Variants in AUTS2 observed in about 807,000 individuals in gnomAD.
AUTS2 encodes autism susceptibility gene 2 protein.
AUTS2 carries 17 observed loss-of-function variants against 112.4 expected under a neutral mutation model. That is an observed-to-expected ratio of 0.15 (90% CI 0.10 to 0.23). The LOEUF is 0.23. AUTS2 is among the 10% of genes least tolerant of loss of function. The pLI is 1.00. For missense variants in AUTS2, 1,510 were observed against 1,701.6 expected, an observed-to-expected ratio of 0.89 and a Z score of 1.98; for synonymous variants, 751 against 702.7, an observed-to-expected ratio of 1.07 and a Z score of -1.09.
chr7:70,351,635 A>G (rs191795709), intron 4 of AUTS2, among the ~76,000 whole-genome samples: 1 of 152,302 alleles, frequency 6.6e-6, no homozygotes, highest in East Asian at 1.9e-4. Flanking sequence ...CATTCCTCCT[A>G]ACAGTATACA....
intron 2 of AUTS2, among the ~76,000 whole-genome samples, chr7:69,966,313 C>T (rs929357469): frequency 6.6e-6 from 1 of 152,156 alleles, no homozygotes; most frequent in African/African-American, 2.4e-5. Context: ...GGGACTTGAG[C>T]CCCCACATAC....
chr7:69,784,392 G>T (rs1449015664), intron 1 of AUTS2, among the ~76,000 whole-genome samples: 1 of 152,164 alleles, frequency 6.6e-6, no homozygotes, highest in Non-Finnish European at 1.5e-5. Flanking sequence ...AAGGGGGTTT[G>T]GATGGAGTCC....
chr7:70,302,763 T>C (rs1262741632), intron 4 of AUTS2, among the ~76,000 whole-genome samples: 1 of 152,142 alleles, frequency 6.6e-6, no homozygotes, highest in African/African-American at 2.4e-5. Context: ...GCAGGCTGTC[T>C]GGCTCATCTC....
At chr7:69,955,060 C>T (rs948295840) in intron 2 of AUTS2, among the ~76,000 whole-genome samples, 3 of 152,166 alleles carry the variant, frequency 2.0e-5, no homozygotes, top group Non-Finnish European at 4.4e-5. Flanking sequence ...ATATTGCTTA[C>T]AAATTGCTTA....
At chr7:70,218,803 A>G (rs992108085) in intron 4 of AUTS2, among the ~76,000 whole-genome samples, 5 of 152,176 alleles carry the variant, frequency 3.3e-5, no homozygotes, top group African/African-American at 9.6e-5. Flanking sequence ...TCTGATAGCC[A>G]CCTGACCATC....
Position 70,147,435 on chromosome 7 carries a change from T to G in AUTS2, c.660+12864T>G, listed in dbSNP as rs1174304922. 3.3e-5 allele frequency among the ~76,000 whole-genome samples: 5 copies of G among 152,072 alleles called. No homozygotes were observed. The East Asian group carries it at 9.6e-4, about 29-fold the overall frequency. ...AAGTCAGCTGAGTCTCTACCTCACA[T>G]GACAGAGTTTACATGATGTTAGAGA... On this transcript the variant is annotated intron_variant, in intron 4 of 18. Coordinates refer to ENST00000342771, the MANE Select transcript of AUTS2 (RefSeq NM_015570.4).
At chr7:70,735,015 A>AT (rs544537461) in intron 6 of AUTS2, among the ~76,000 whole-genome samples, 107 of 152,302 alleles carry the variant, frequency 7.0e-4, no homozygotes, top group African/African-American at 2.1e-3. Flanking sequence ...GGAAAAAAAA[A>AT]AAAGAAGTCT....
chr7:70,383,371 T>C (rs1793459013), intron 4 of AUTS2, among the ~76,000 whole-genome samples: 5 of 152,186 alleles, frequency 3.3e-5, no homozygotes, highest in Admixed American at 3.3e-4. Flanking sequence ...AGGATTGACC[T>C]AAAGTCCCAT....
intron 5 of AUTS2, among the ~76,000 whole-genome samples, chr7:70,594,844 G>A (rs1803116859): frequency 6.6e-6 from 1 of 152,202 alleles, no homozygotes; most frequent in Non-Finnish European, 1.5e-5. Flanking sequence ...GCTCACACCT[G>A]TAATCCCAGC....
intron 5 of AUTS2, among the ~76,000 whole-genome samples, chr7:70,686,161 ATTT>A (rs1808466487): frequency 6.6e-6 from 1 of 152,184 alleles, no homozygotes; most frequent in African/African-American, 2.4e-5. Flanking sequence ...GACAACCTTC[ATTT>A]ATAAAACTAA....
chr7:70,340,193 C>T (rs73440725), intron 4 of AUTS2, among the ~76,000 whole-genome samples: 2,058 of 151,908 alleles, frequency 0.014, 62 homozygotes, highest in African/African-American at 0.047. Context: ...CACACACACA[C>T]ACCCCGTAAT....
intron 1 of AUTS2, among the ~76,000 whole-genome samples, chr7:69,856,927 T>G (rs1407802580): frequency 6.6e-6 from 1 of 152,188 alleles, no homozygotes; most frequent in Non-Finnish European, 1.5e-5. Context: ...GCACTTGAAA[T>G]GGCAACATTT....
intron 5 of AUTS2, among the ~76,000 whole-genome samples, chr7:70,681,837 T>C (rs1250817523): frequency 6.6e-6 from 1 of 152,184 alleles, no homozygotes; most frequent in Admixed American, 6.5e-5. Context: ...AACCCTATGT[T>C]CCAACTTAGT....
At chr7:69,949,384 A>C (rs983870180) in intron 2 of AUTS2, among the ~76,000 whole-genome samples, 1 of 152,206 alleles carries the variant, frequency 6.6e-6, no homozygotes, top group Non-Finnish European at 1.5e-5. Context: ...AGTTCTCACA[A>C]TCAACCTGTC....
At chr7:70,625,194 C>T (rs188580673) in intron 5 of AUTS2, among the ~76,000 whole-genome samples, 1 of 152,242 alleles carries the variant, frequency 6.6e-6, no homozygotes, top group Admixed American at 6.5e-5. Flanking sequence ...TACATTTTAT[C>T]CAACTAGGGG....
chr7:69,758,490 C>T (rs999806629), intron 1 of AUTS2, among the ~76,000 whole-genome samples: 8 of 152,190 alleles, frequency 5.3e-5, no homozygotes, highest in African/African-American at 1.9e-4. Context: ...AAAACAACTA[C>T]ATCTCTTTCG....
chr7:70,288,738 T>A (rs1788578015), intron 4 of AUTS2, among the ~76,000 whole-genome samples: 1 of 151,868 alleles, frequency 6.6e-6, no homozygotes, highest in African/African-American at 2.4e-5. Context: ...GGAAGAACAA[T>A]GAGATAGAGA....
chr7:69,826,109 G>A (rs986298845), intron 1 of AUTS2, among the ~76,000 whole-genome samples: 4 of 152,180 alleles, frequency 2.6e-5, no homozygotes, highest in Non-Finnish European at 5.9e-5. Context: ...AGTTATTCAT[G>A]CAGGGAGAAT....
At chr7:70,230,444 A>G (rs1811987647) in intron 4 of AUTS2, among the ~76,000 whole-genome samples, 1 of 152,214 alleles carries the variant, frequency 6.6e-6, no homozygotes, top group Admixed American at 6.5e-5. Context: ...TGCTCAGTTA[A>G]AGATTGGCTA....
Sources: gnomAD v4.1 joint callset for allele counts (sites outside exome capture counted in the v4.1 genomes callset) on GRCh38, gnomAD v4.1.1 for gene constraint, MANE v1.5 for transcripts, NCBI Gene and HGNC (gene_info 2026-07-23, HGNC 2026-07-21) for gene names.